The following NUMB variants were observed in gnomAD, a reference collection of about 807,000 sequenced individuals.
The protein encoded by NUMB is protein numb homolog.
In NUMB, 29 loss-of-function variants were observed where a neutral mutation model predicts 59.7. The ratio of observed to expected loss-of-function variants is 0.49; its 90% CI spans 0.36 to 0.66. NUMB has a LOEUF of 0.66. Among genes scored for constraint, NUMB ranks in the 30% least tolerant of loss-of-function variants. NUMB has a pLI of 0.00. For missense variants in NUMB, 723 were observed against 822.0 expected (o/e 0.88, Z 1.47); for synonymous variants, 288 against 288.2 (o/e 1.00, Z 0.01).
intron 4 of NUMB, among the ~76,000 whole-genome samples, chr14:73,352,498 A>T (rs1483712865): frequency 5.7e-4 from 6 of 10,554 alleles, no homozygotes; most frequent in African/African-American, 3.5e-3. Flanking sequence ...ATATATATAT[A>T]TATATATATA....
intron 11 of NUMB, among the ~76,000 whole-genome samples, chr14:73,280,659 G>T (rs1324138886): frequency 5.4e-5 from 8 of 149,120 alleles, no homozygotes; most frequent in Non-Finnish European, 3.0e-5. Context: ...TTTAGGACTG[G>T]ACAGCCATGC....
At chr14:73,284,445 T>C (rs1178739477) in intron 9 of NUMB, 71 bp from the exon 10 acceptor site, 1 of 1,347,694 alleles carries the variant, frequency 7.4e-7, no homozygotes, top group Non-Finnish European at 1.0e-6. Context: ...AGCTGACAAA[T>C]TCGAAAGCCC....
intron 2 of NUMB, among the ~76,000 whole-genome samples, chr14:73,378,616 T>G (rs1230895641): frequency 2.6e-5 from 4 of 152,172 alleles, no homozygotes; most frequent in African/African-American, 9.7e-5. Context: ...TGGAGGAACC[T>G]TAAATGCATA....
chr14:73,397,379 G>A (rs1189596435), intron 2 of NUMB, among the ~76,000 whole-genome samples: 2 of 152,128 alleles, frequency 1.3e-5, no homozygotes, highest in Admixed American at 6.6e-5. Flanking sequence ...GTACTGATAA[G>A]CCAGCCTGGG....
intron 5 of NUMB, among the ~76,000 whole-genome samples, chr14:73,318,896 TTAATG>T (rs1321524857): frequency 6.6e-6 from 1 of 152,246 alleles, no homozygotes. Context: ...CCAATTGAAG[TTAATG>T]TAATTCTAAA....
chr14:73,318,048 A>G (rs1319905369), intron 5 of NUMB, among the ~76,000 whole-genome samples: 2 of 152,242 alleles, frequency 1.3e-5, no homozygotes, highest in Non-Finnish European at 2.9e-5. Context: ...TGGAAAAATA[A>G]TAAAGTAATT....
chr14:73,416,332 CTT>C (rs3028740), intron 1 of NUMB, among the ~76,000 whole-genome samples: 18 of 141,282 alleles, frequency 1.3e-4, no homozygotes, highest in Admixed American at 2.8e-4. Flanking sequence ...TTTTTCTTTT[CTT>C]TTTTTTTTTT....
chr14:73,360,747 T>C (rs1301222981), intron 3 of NUMB, among the ~76,000 whole-genome samples: 1 of 152,208 alleles, frequency 6.6e-6, no homozygotes, highest in African/African-American at 2.4e-5. Context: ...CACTCATTCT[T>C]CACTCTCAAC....
intron 1 of NUMB, among the ~76,000 whole-genome samples, chr14:73,428,084 C>G (rs1235125512): frequency 6.6e-6 from 1 of 152,120 alleles, no homozygotes; most frequent in Non-Finnish European, 1.5e-5. Context: ...ACTTTCCTAC[C>G]ACTAGGAAGG....
chr14:73,313,594 A>G (rs1199410095), intron 6 of NUMB, among the ~76,000 whole-genome samples: 1 of 149,930 alleles, frequency 6.7e-6, no homozygotes, highest in Non-Finnish European at 1.5e-5. Flanking sequence ...ATAAAACACA[A>G]ATAACTTCTG....
At chr14:73,412,632 GAA>G (rs1180955520) in intron 1 of NUMB, among the ~76,000 whole-genome samples, 1 of 92,508 alleles carries the variant, frequency 1.1e-5, no homozygotes, top group African/African-American at 4.1e-5. Context: ...CGTCTCAAAA[GAA>G]AAAAAAAAAA....
intron 6 of NUMB, among the ~76,000 whole-genome samples, chr14:73,314,147 A>C (rs1433181109): frequency 6.6e-6 from 1 of 152,254 alleles, no homozygotes; most frequent in Non-Finnish European, 1.5e-5. Flanking sequence ...TGAGTTTCTA[A>C]GAAGCTCTTT....
At chr14:73,386,245 T>C (rs1309814205) in intron 2 of NUMB, among the ~76,000 whole-genome samples, 2 of 152,066 alleles carry the variant, frequency 1.3e-5, no homozygotes, top group Non-Finnish European at 2.9e-5. Context: ...TGAGATGCCA[T>C]CTCAAAAAAC....
At chr14:73,350,060 TATACATAC>T (rs199905122) in intron 4 of NUMB, among the ~76,000 whole-genome samples, 4,163 of 142,990 alleles carry the variant, frequency 0.029, 253 homozygotes, top group African/African-American at 0.1. Flanking sequence ...TACATACATA[TATACATAC>T]ATACATACAT....
intron 4 of NUMB, among the ~76,000 whole-genome samples, chr14:73,353,106 C>CA (rs1893552071): frequency 6.2e-5 from 1 of 16,022 alleles, no homozygotes; most frequent in Non-Finnish European, 1.5e-4. Flanking sequence ...TTTTTTGAGA[C>CA]AGAGTCTCAC....
intron 2 of NUMB, among the ~76,000 whole-genome samples, chr14:73,381,145 T>C (rs1178067730): frequency 1.3e-5 from 2 of 152,212 alleles, no homozygotes; most frequent in Admixed American, 6.5e-5. Flanking sequence ...AGACAACTAA[T>C]ACTTAAACTC....
intron 1 of NUMB, among the ~76,000 whole-genome samples, chr14:73,449,517 T>C (rs974753205): frequency 3.9e-5 from 6 of 152,164 alleles, no homozygotes; most frequent in African/African-American, 1.4e-4. Flanking sequence ...CAACTGCTGG[T>C]TGAATCCAAG....
At chr14:73,331,077 G>A (rs1345811115) in intron 4 of NUMB, among the ~76,000 whole-genome samples, 2 of 151,504 alleles carry the variant, frequency 1.3e-5, no homozygotes, top group Non-Finnish European at 2.9e-5. Flanking sequence ...TCTCTTCTAT[G>A]GTCTATTATC....
intron 2 of NUMB, among the ~76,000 whole-genome samples, chr14:73,391,739 A>G (rs1410520606): frequency 1.3e-5 from 2 of 152,234 alleles, no homozygotes; most frequent in South Asian, 2.1e-4. Context: ...AACTATTTAT[A>G]TAGGTAATTC....
Sources: allele counts gnomAD v4.1 joint callset (sites outside exome capture counted in the v4.1 genomes callset), GRCh38; gene constraint gnomAD v4.1.1; transcripts MANE v1.5; gene names NCBI Gene and HGNC (gene_info 2026-07-23, HGNC 2026-07-21).